The following RNLS variants were observed in gnomAD, a reference collection of about 807,000 sequenced individuals.
The protein encoded by RNLS is renalase.
In RNLS, 39 loss-of-function variants were observed where a neutral mutation model predicts 39.8. The observed-to-expected ratio is 0.98, with a 90% CI of 0.76 to 1.28. RNLS has a LOEUF of 1.28. Among genes scored for constraint, RNLS ranks in the 50% most tolerant of loss-of-function variants. RNLS has a pLI of 0.00. For synonymous variants in RNLS, 147 were observed against 150.7 expected (o/e 0.98, Z 0.18); for missense variants, 410 against 413.3 (o/e 0.99, Z 0.07).
chr10:88,433,518 AT>A (rs756010767), intron 4 of RNLS, among the ~76,000 whole-genome samples: 2 of 152,080 alleles, frequency 1.3e-5, no homozygotes, highest in Non-Finnish European at 1.5e-5. Context: ...ATTTTACAAT[AT>A]TTTGATTGGA....
the RNLS span, among the ~76,000 whole-genome samples, chr10:88,182,751 A>G: frequency 3.3e-5 from 5 of 152,082 alleles, no homozygotes; most frequent in African/African-American, 1.2e-4. Context: ...CTTTTGGCAA[A>G]CCAGAAACTT....
intron 4 of RNLS, among the ~76,000 whole-genome samples, chr10:88,448,978 A>T (rs745421418): frequency 6.6e-6 from 1 of 152,224 alleles, no homozygotes; most frequent in Non-Finnish European, 1.5e-5. Flanking sequence ...GAAGGGGAAC[A>T]TCACACACCG....
the RNLS span, among the ~76,000 whole-genome samples, chr10:88,181,743 T>C: frequency 6.6e-6 from 1 of 152,164 alleles, no homozygotes; most frequent in Non-Finnish European, 1.5e-5. Context: ...GTTAGGCAAA[T>C]GGATAAAGAA....
the RNLS span, among the ~76,000 whole-genome samples, chr10:88,202,862 T>A: frequency 2.0e-5 from 3 of 152,086 alleles, no homozygotes; most frequent in Non-Finnish European, 2.9e-5. Context: ...AGGGCTACAT[T>A]TCTGTGGCCA....
At chr10:88,580,729 A>G (rs1850488172) in intron 3 of RNLS, among the ~76,000 whole-genome samples, 1 of 152,236 alleles carries the variant, frequency 6.6e-6, no homozygotes, top group African/African-American at 2.4e-5. Context: ...GCTGGCTAAT[A>G]AAACAAAAAC....
intron 4 of RNLS, among the ~76,000 whole-genome samples, chr10:88,503,009 C>G (rs1248615081): frequency 6.6e-6 from 1 of 152,112 alleles, no homozygotes; most frequent in East Asian, 1.9e-4. Context: ...CATCACCCAG[C>G]TTCACCAATC....
At chr10:88,462,008 A>G (rs1842952963) in intron 4 of RNLS, among the ~76,000 whole-genome samples, 1 of 152,068 alleles carries the variant, frequency 6.6e-6, no homozygotes, top group Admixed American at 6.6e-5. Flanking sequence ...TCAAGGGACC[A>G]TATGCTTTAT....
intron 4 of RNLS, among the ~76,000 whole-genome samples, chr10:88,408,844 A>G (rs1853465952): frequency 6.6e-6 from 1 of 152,156 alleles, no homozygotes; most frequent in Non-Finnish European, 1.5e-5. Context: ...CTGAAAATGC[A>G]ATTTAAATAA....
intron 5 of RNLS, among the ~76,000 whole-genome samples, chr10:88,344,872 T>C (rs1243110462): frequency 6.6e-6 from 1 of 152,182 alleles, no homozygotes; most frequent in Non-Finnish European, 1.5e-5. Flanking sequence ...TAATGGAATT[T>C]CAAGAGATTC....
intron 4 of RNLS, among the ~76,000 whole-genome samples, chr10:88,546,178 T>C (rs1385536069): frequency 6.6e-6 from 1 of 152,084 alleles, no homozygotes; most frequent in East Asian, 1.9e-4. Context: ...ATTAAAAATT[T>C]AAAACTATAT....
chr10:88,397,542 G>C (rs952842985), intron 4 of RNLS, among the ~76,000 whole-genome samples: 1 of 151,660 alleles, frequency 6.6e-6, no homozygotes, highest in African/African-American at 2.4e-5. Flanking sequence ...TCAATAATCT[G>C]ACATTCCAAC....
intron 4 of RNLS, among the ~76,000 whole-genome samples, chr10:88,505,477 AAG>A (rs545850363): frequency 6.6e-6 from 1 of 151,680 alleles, no homozygotes; most frequent in Admixed American, 6.6e-5. Context: ...GAGAGACAGA[AAG>A]AGAGAGAGGA....
At chr10:88,429,879 C>T (rs773307788) in intron 4 of RNLS, among the ~76,000 whole-genome samples, 10 of 151,872 alleles carry the variant, frequency 6.6e-5, no homozygotes, top group East Asian at 3.9e-4. Context: ...TATTCGGTTC[C>T]GCTGATCCTG....
intron 5 of RNLS, among the ~76,000 whole-genome samples, chr10:88,357,838 G>C (rs1307037854): frequency 1.3e-5 from 2 of 152,124 alleles, no homozygotes; most frequent in East Asian, 3.9e-4. Flanking sequence ...ACTGACTCTG[G>C]TAGTTACCTG....
At chr10:88,245,145 G>A in the RNLS span, among the ~76,000 whole-genome samples, 3 of 152,236 alleles carry the variant, frequency 2.0e-5, no homozygotes, top group Non-Finnish European at 2.9e-5. Flanking sequence ...GCATCAGCTC[G>A]AAGATTTACC....
chr10:88,389,507 T>C (rs1852069030), intron 4 of RNLS, among the ~76,000 whole-genome samples: 1 of 152,152 alleles, frequency 6.6e-6, no homozygotes, highest in African/African-American at 2.4e-5. Context: ...GTCAAAGGTA[T>C]TGCTGCTTTA....
the RNLS span, among the ~76,000 whole-genome samples, chr10:88,198,797 C>T: frequency 6.6e-6 from 1 of 152,108 alleles, no homozygotes; most frequent in African/African-American, 2.4e-5. Context: ...GCCTGTGAGC[C>T]AATTAAACCT....
the RNLS span, among the ~76,000 whole-genome samples, chr10:88,209,143 A>G: frequency 1.3e-5 from 2 of 152,188 alleles, no homozygotes; most frequent in East Asian, 3.9e-4. Context: ...TATTTTGACT[A>G]TCTTCAAGAG....
chr10:88,527,384 T>C (rs545334602), intron 4 of RNLS, among the ~76,000 whole-genome samples: 19 of 152,276 alleles, frequency 1.2e-4, no homozygotes, highest in Non-Finnish European at 1.8e-4. Flanking sequence ...ACCAGGGACA[T>C]TGGCTGAAGG....
Sources: allele counts gnomAD v4.1 joint callset (sites outside exome capture counted in the v4.1 genomes callset), GRCh38; gene constraint gnomAD v4.1.1; transcripts MANE v1.5; gene names NCBI Gene and HGNC (gene_info 2026-07-23, HGNC 2026-07-21).